The following SCNN1D variants were observed in gnomAD, a reference collection of about 807,000 sequenced individuals.
SCNN1D encodes epithelial sodium channel subunit delta.
SCNN1D carries 104 observed loss-of-function variants against 87.8 expected under a neutral mutation model. That is an observed-to-expected ratio of 1.18 (90% CI 1.01 to 1.39). The LOEUF is 1.39. SCNN1D is among the 40% of genes most tolerant of loss of function. The pLI, the probability that SCNN1D is intolerant of heterozygous loss-of-function variation, is 0.00. For synonymous variants in SCNN1D, 628 were observed against 481.2 expected, an observed-to-expected ratio of 1.31 and a Z score of -3.99; for missense variants, 1,324 against 1,093.9, an observed-to-expected ratio of 1.21 and a Z score of -2.97.
At position 1,288,058 on chromosome 1, in the gene SCNN1D, G is replaced by C. The variant is rs530647092; in HGVS notation, c.1662+21G>C. 1.3e-4 allele frequency: 201 copies of C among 1,505,920 alleles called. No homozygotes were observed. In the East Asian group the frequency reaches 4.6e-3, roughly 35 times the overall value. 93.3% of individuals were successfully genotyped at this position (1,505,920 alleles called of 1,614,324 possible). A position where few individuals can be genotyped will look rare whatever the true frequency, so the allele number is the denominator to read the frequency against. On this transcript the variant is annotated intron_variant, in intron 12 of 17. Coordinates refer to ENST00000379116, the MANE Select transcript of SCNN1D (RefSeq NM_001130413.4). ...GGCAGGTGAGGCTGGGCTGGCAGGG[G>C]GTGCGGGGGCAGGTGAGGCTGGGCT...
In SCNN1D at chr1:1,291,782, T is replaced by G. The variant is rs1158012022; in HGVS notation, c.*172T>G. ...GCGCCTCTGGTCAAACCACCTACAC[T>G]GCCTGGGGTGGGTCTCAAGGAGGCC... On this transcript the variant is annotated 3_prime_UTR_variant, in exon 18 of 18. Coordinates refer to ENST00000379116, the MANE Select transcript of SCNN1D (RefSeq NM_001130413.4). 2 of 491,926 alleles carry G rather than the reference T, an allele frequency of 4.1e-6. No homozygotes were observed. Among genetic ancestry groups the G allele is most frequent in the Non-Finnish European group, 7.0e-6 (2 of 285,874 alleles). The allele number at this position is 491,926 out of a possible 1,614,324, so 30.5% of individuals were successfully genotyped here.
At chr1:1,288,463 GTC>G (rs1256310268) in intron 12 of SCNN1D, among the ~76,000 whole-genome samples, 4 of 84,784 alleles carry the variant, frequency 4.7e-5, no homozygotes, top group Non-Finnish European at 6.9e-5. Flanking sequence ...CGTCCCCCGT[GTC>G]TCTGCTCCGT....
At position 1,280,870 on chromosome 1, in the gene SCNN1D, C is replaced by T. The variant is rs776939356; in HGVS notation, c.5+204C>T. 1.5e-5 allele frequency: 9 copies of T among 588,904 alleles called. No individual in the cohort carries two copies. In the Middle Eastern group the frequency reaches 9.6e-4, roughly 63 times the overall value. 36.5% of individuals were successfully genotyped at this position (588,904 alleles called of 1,614,324 possible). ...GGCCAGACCCCAAGCTCCACACTCC[C>T]ACCCTCAGCACCCACCCAGGCCAGC... On this transcript the variant is annotated intron_variant, in intron 1 of 17. Coordinates refer to ENST00000379116, the MANE Select transcript of SCNN1D (RefSeq NM_001130413.4).
chr1:1,285,756 A>G, intron 6 of SCNN1D, 92 bp downstream of exon 6: 1 of 1,245,652 alleles, frequency 8.0e-7, no homozygotes, highest in Non-Finnish European at 1.1e-6. Context: ...CGTGTCAGGG[A>G]CGGGTGTATC....
chr1:1,285,613 G>A lies in SCNN1D; in HGVS notation c.507G>A (p.Lys169=). ...PVAPQRPCHL[K]GWQHRPTQHN... ...CTCCCCAGAGGCCCTGCCACCTGAA[G>A]GGATGGCAGCACAGACCCACTCAGC... is the stretch of plus-strand genomic sequence containing the variant. Residue 169 remains lysine (K), a synonymous_variant, in exon 6 of 18, where the codon AAG becomes AAA. Transcript: ENST00000379116. 2 of 1,546,896 alleles carry A rather than the reference G, an allele frequency of 1.3e-6. No individual in the cohort carries two copies. Among genetic ancestry groups the A allele is most frequent in the Non-Finnish European group, 1.7e-6 (2 of 1,145,056 alleles).
Position 1,290,305 on chromosome 1 carries a change from T to C in SCNN1D, c.1697T>C (p.Val566Ala). The change falls in exon 13 of 18, where the codon GTG becomes GCG. Residue 566 changes from valine (V) to alanine (A), a missense_variant. Physicochemically the swap from Val to Ala is moderately conservative, Grantham distance 64. Coordinates refer to ENST00000379116, the MANE Select transcript of SCNN1D (RefSeq NM_001130413.4). ...CLVSCFQQLM[V>A]ETCSCGYYLH... Reference sequence around the variant, plus strand: ...GTGTCCTGCTTCCAGCAGCTGATGGTGGAGACCTGCTCCTGTGGCTACTAC... The same window carrying C: ...GTGTCCTGCTTCCAGCAGCTGATGGCGGAGACCTGCTCCTGTGGCTACTAC... 2 of 1,586,530 alleles carry C rather than the reference T, an allele frequency of 1.3e-6. No homozygotes were observed. The highest frequency in any genetic ancestry group is 1.2e-5 in the South Asian group (1 of 86,418).
rs369205368 is a variant in SCNN1D at position 1,286,042 on chromosome 1, C to A, written c.675C>A (p.Thr225=). 5 of 1,580,716 alleles carry A rather than the reference C, an allele frequency of 3.2e-6. No individual in the cohort carries two copies. Among genetic ancestry groups the A allele is most frequent in the Non-Finnish European group, 4.3e-6 (5 of 1,163,714 alleles). ...ELPASFRELL[T]FFCTNATIHG... is the part of the protein sequence containing the mutation. ...CCGCCTCGTTCCGGGAGCTGCTCAC[C>A]TTCTTCTGCACCAATGCCACCATCC... The change falls in exon 7 of 18, where the codon ACC becomes ACA. Residue 225 remains threonine, a synonymous_variant. Coordinates refer to ENST00000379116, the MANE Select transcript of SCNN1D (RefSeq NM_001130413.4).
rs764367157 is a variant in SCNN1D at position 1,291,083 on chromosome 1, C to T, written c.1995C>T (p.Ile665=). 29 of 1,612,184 alleles carry T rather than the reference C, an allele frequency of 1.8e-5. No homozygotes were observed. The highest frequency in any genetic ancestry group is 3.3e-4 in the Middle Eastern group (2 of 6,080). Residue 665 remains isoleucine, a synonymous_variant, in exon 17 of 18, where the codon ATC becomes ATT. Transcript: ENST00000379116. ...SHRQRSSLAK[I]NIVYQELNYR... ...GCCCCAGGAGCAGCCTGGCCAAAAT[C>T]AACATCGTCTACCAGGAGCTCAACT...
rs565644851 is a variant in SCNN1D at position 1,290,838 on chromosome 1, C to A, written c.1918-57C>A. On this transcript the variant is annotated intron_variant, in intron 15 of 17. Transcript: ENST00000379116. ...TCTGCCCCCACATCCGCCCGTGGTA[C>A]CCAGGATGGCCGGGGGCATGGGGGA... The A allele has an allele frequency of 2.2e-5, 35 of 1,595,252 alleles. No individual in the cohort carries two copies. The African/African-American group carries it at 3.1e-4, about 14-fold the overall frequency.
rs184736558 is a variant in SCNN1D, at chr1:1,291,843, C to A, written c.*233C>A. The stretch of plus-strand genomic sequence containing the variant: ...GGGGGTTCCCGCGTGCACACGAGTG[C>A]GGCTGGACGTGCCGACACGCGGTGA... On this transcript the variant is annotated 3_prime_UTR_variant, in exon 18 of 18. Transcript: ENST00000379116. 4.6e-6 allele frequency: 2 copies of A among 434,534 alleles called. No homozygotes were observed. The highest frequency in any genetic ancestry group is 3.5e-5 in the East Asian group (1 of 28,910). 26.9% of individuals were successfully genotyped at this position (434,534 alleles called of 1,614,324 possible).
intron 7 of SCNN1D, 34 bp from the exon 8 acceptor site, chr1:1,286,734 C>T (rs1444806727): frequency 6.3e-7 from 1 of 1,597,246 alleles, no homozygotes; most frequent in Non-Finnish European, 8.6e-7. Flanking sequence ...AGGCCCCGGG[C>T]CGGCAACTCT....
intron 4 of SCNN1D, 122 bp downstream of exon 4, chr1:1,282,437 T>C: frequency 8.6e-7 from 1 of 1,160,804 alleles, no homozygotes; most frequent in Non-Finnish European, 1.2e-6. Context: ...ACACAGAGCC[T>C]ACCCTTCCAA....
intron 12 of SCNN1D, among the ~76,000 whole-genome samples, chr1:1,288,451 T>C (rs868440540): frequency 7.8e-3 from 205 of 26,352 alleles, no homozygotes; most frequent in East Asian, 0.034. Context: ...GTGTCTCTGC[T>C]CCGTCCCCCG....
chr1:1,280,583 T>A lies in SCNN1D; in HGVS notation c.-79T>A. The A allele has an allele frequency of 2.9e-6, 2 of 681,180 alleles. No individual in the cohort carries two copies. The highest frequency in any genetic ancestry group is 3.0e-5 in the South Asian group (2 of 66,694). 42.2% of individuals were successfully genotyped at this position (681,180 alleles called of 1,614,324 possible). On this transcript the variant is annotated 5_prime_UTR_variant, in exon 1 of 18. Transcript: ENST00000379116. ...ACCAGGTCACAAGCCTCAGAGAGAA[T>A]CAACTATAAATGCTTCTCATCAGAC...
chr1:1,289,963 G>A (rs866787151), intron 12 of SCNN1D, among the ~76,000 whole-genome samples: 107 of 31,540 alleles, frequency 3.4e-3, no homozygotes, highest in Non-Finnish European at 3.6e-3. Flanking sequence ...TCTCTGCTCC[G>A]TCCCCCGTGT....
chr1:1,286,245 C>A lies in SCNN1D; in HGVS notation c.878C>A (p.Pro293Gln). 6.3e-7 allele frequency: 1 copy of A among 1,592,068 alleles called. No homozygotes were observed. The highest frequency in any genetic ancestry group is 2.3e-5 in the East Asian group (1 of 44,342). ...VSVHSERKLL[P>Q]LVTLCDGNPR... ...GTGCACTCGGAGCGCAAGCTGCTCCCGCTGGTCACCCTGTGTGACGGGAAC... is the reference window on the plus strand; with the variant it reads ...GTGCACTCGGAGCGCAAGCTGCTCCAGCTGGTCACCCTGTGTGACGGGAAC... The change falls in exon 7 of 18, where the codon CCG becomes CAG. Residue 293 changes from proline (P) to glutamine (Q), a missense_variant. Physicochemically the swap from Pro to Gln is moderately conservative, Grantham distance 76 (BLOSUM62 -1). Coordinates refer to ENST00000379116, the MANE Select transcript of SCNN1D (RefSeq NM_001130413.4).
chr1:1,285,803 G>C (rs1640575414), intron 6 of SCNN1D, 123 bp from the exon 7 acceptor site: 1 of 1,204,274 alleles, frequency 8.3e-7, no homozygotes, highest in Non-Finnish European at 1.2e-6. Flanking sequence ...ACCCTGGGAG[G>C]GGCTTGTCCG....
At chr1:1,284,679 T>C (rs943780114) in intron 5 of SCNN1D, among the ~76,000 whole-genome samples, 7 of 152,046 alleles carry the variant, frequency 4.6e-5, no homozygotes, top group South Asian at 2.1e-4. Context: ...TAGCGTGTGC[T>C]GGACAGACCC....
In SCNN1D at chr1:1,287,724, C is replaced by T. The variant is rs149155447; in HGVS notation, c.1451C>T (p.Ser484Phe). Reference sequence around the variant, plus strand: ...CAGCAGCCTCACCTCCCTCTGCTGTCCACGCTGGCCGGCATCAGGGTCATG... The same window carrying T: ...CAGCAGCCTCACCTCCCTCTGCTGTTCACGCTGGCCGGCATCAGGGTCATG... ...VEQQPHLPLLSTLAGIRVMVH... is the reference protein window; with the variant it reads ...VEQQPHLPLLFTLAGIRVMVH... The change falls in exon 11 of 18, where the codon TCC (serine) becomes TTC (phenylalanine). Residue 484 changes from serine to phenylalanine, a missense_variant. By Grantham distance (155) the Ser-to-Phe change is radical. Coordinates refer to ENST00000379116, the MANE Select transcript of SCNN1D (RefSeq NM_001130413.4). The T allele has an allele frequency of 1.9e-6, 3 of 1,609,348 alleles. No homozygotes were observed. Among genetic ancestry groups the T allele is most frequent in the Non-Finnish European group, 1.7e-6 (2 of 1,178,456 alleles).
Sources: gnomAD v4.1 joint callset for allele counts (sites outside exome capture counted in the v4.1 genomes callset) on GRCh38, gnomAD v4.1.1 for gene constraint, MANE v1.5 for transcripts, NCBI Gene and HGNC (gene_info 2026-07-23, HGNC 2026-07-21) for gene names.